Variants in KCND2 observed in about 807,000 individuals in gnomAD.
The protein encoded by KCND2 is A-type voltage-gated potassium channel KCND2.
Under a neutral mutation model 54.4 loss-of-function variants are expected in KCND2, and 16 were observed. The observed-to-expected ratio is 0.29, with a 90% CI of 0.20 to 0.45. KCND2 has a LOEUF of 0.45. Ranked by LOEUF, KCND2 falls within the 20% of genes least tolerant of loss-of-function variation. KCND2 has a pLI of 1.00. For synonymous variants in KCND2, 317 were observed against 310.7 expected (o/e 1.02, Z -0.21); for missense variants, 486 against 824.2 (o/e 0.59, Z 5.02).
At chr7:120,581,074 A>G (rs1412069299) in intron 1 of KCND2, among the ~76,000 whole-genome samples, 5 of 152,252 alleles carry the variant, frequency 3.3e-5, no homozygotes, top group Non-Finnish European at 7.3e-5. Flanking sequence ...TTGAAACTAC[A>G]ACTTCTGAGA....
chr7:120,365,099 A>G (rs554095193), intron 1 of KCND2, among the ~76,000 whole-genome samples: 116 of 151,742 alleles, frequency 7.6e-4, no homozygotes, highest in African/African-American at 2.7e-3. Context: ...GGTAAAGTTC[A>G]TAGTTGTTAT....
chr7:120,589,209 A>G (rs1347376953), intron 1 of KCND2, among the ~76,000 whole-genome samples: 1 of 152,254 alleles, frequency 6.6e-6, no homozygotes. Flanking sequence ...TTATAAGTGA[A>G]TAGTAGAATT....
chr7:120,632,011 C>G (rs187705804), intron 1 of KCND2, among the ~76,000 whole-genome samples: 1 of 152,128 alleles, frequency 6.6e-6, no homozygotes, highest in African/African-American at 2.4e-5. Flanking sequence ...ACTCCCAACC[C>G]GATTTTAGGT....
intron 4 of KCND2, among the ~76,000 whole-genome samples, chr7:120,743,155 T>C (rs989355736): frequency 6.6e-6 from 1 of 152,204 alleles, no homozygotes. Flanking sequence ...TCTGTATTTC[T>C]CCACTTACAA....
At chr7:120,414,256 C>G (rs933461421) in intron 1 of KCND2, among the ~76,000 whole-genome samples, 28 of 151,914 alleles carry the variant, frequency 1.8e-4, no homozygotes, top group African/African-American at 6.8e-4. Flanking sequence ...TTATGATACT[C>G]TATATTTGAA....
At chr7:120,489,368 T>C (rs1218658163) in intron 1 of KCND2, among the ~76,000 whole-genome samples, 1 of 150,868 alleles carries the variant, frequency 6.6e-6, no homozygotes, top group Non-Finnish European at 1.5e-5. Context: ...ATTAATACAT[T>C]TAATAGAAAA....
chr7:120,482,600 G>A (rs1247944419), intron 1 of KCND2, among the ~76,000 whole-genome samples: 1 of 152,080 alleles, frequency 6.6e-6, no homozygotes, highest in Non-Finnish European at 1.5e-5. Context: ...TGTTATCATG[G>A]GAGTGGGCTA....
chr7:120,727,980 A>G (rs1792755624), intron 1 of KCND2, among the ~76,000 whole-genome samples: 1 of 151,696 alleles, frequency 6.6e-6, no homozygotes, highest in Admixed American at 6.6e-5. Flanking sequence ...CTAAAAATAC[A>G]AAAATTAGCT....
chr7:120,647,415 T>C (rs893319498), intron 1 of KCND2, among the ~76,000 whole-genome samples: 1 of 152,232 alleles, frequency 6.6e-6, no homozygotes, highest in African/African-American at 2.4e-5. Context: ...CCTCATGTCA[T>C]TATCTTTATT....
intron 1 of KCND2, among the ~76,000 whole-genome samples, chr7:120,701,445 C>T (rs1247397521): frequency 6.6e-6 from 1 of 151,906 alleles, no homozygotes; most frequent in Non-Finnish European, 1.5e-5. Flanking sequence ...TTAGGATAGC[C>T]AAGTGCTCAT....
intron 1 of KCND2, among the ~76,000 whole-genome samples, chr7:120,642,596 A>G (rs889709880): frequency 3.3e-5 from 5 of 150,658 alleles, no homozygotes; most frequent in Non-Finnish European, 7.4e-5. Context: ...ATATATGTAG[A>G]TATAATTAAG....
At chr7:120,612,683 A>T (rs532145575) in intron 1 of KCND2, among the ~76,000 whole-genome samples, 1 of 152,358 alleles carries the variant, frequency 6.6e-6, no homozygotes, top group African/African-American at 2.4e-5. Flanking sequence ...CGTGCCTTTC[A>T]GTCATGGAGT....
intron 1 of KCND2, among the ~76,000 whole-genome samples, chr7:120,441,484 T>C (rs1801944379): frequency 6.6e-6 from 1 of 152,150 alleles, no homozygotes; most frequent in South Asian, 2.1e-4. Context: ...TTTTTAATGC[T>C]GAGAATGAAT....
At position 120,654,523 on chromosome 7, in the gene KCND2, A is replaced by G. The variant is rs888488647; in HGVS notation, c.1116-78380A>G. ...CCATTTGTGAAGTAACATGTATGAGAATATTTACTGAAGTGATTATAATAG... is the reference window on the plus strand; with the variant it reads ...CCATTTGTGAAGTAACATGTATGAGGATATTTACTGAAGTGATTATAATAG... On this transcript the variant is annotated intron_variant, in intron 1 of 5. Transcript: ENST00000331113. Among the ~76,000 whole-genome samples the G allele has an allele frequency of 6.6e-5, 10 of 152,340 alleles. 1 individual carries two copies. In the East Asian group the frequency reaches 7.7e-4, roughly 12 times the overall value.
chr7:120,408,646 A>G (rs1801398513), intron 1 of KCND2, among the ~76,000 whole-genome samples: 1 of 151,842 alleles, frequency 6.6e-6, no homozygotes, highest in Non-Finnish European at 1.5e-5. Context: ...TTGTTCCCTC[A>G]GGAGTCATTG....
chr7:120,289,920 A>G, intron 1 of KCND2, among the ~76,000 whole-genome samples: 1 of 152,098 alleles, frequency 6.6e-6, no homozygotes, highest in East Asian at 1.9e-4. Flanking sequence ...TTTAATTTTA[A>G]TAAGTAGTTT....
Position 120,716,936 on chromosome 7 carries a change from A to G in KCND2, c.1116-15967A>G, listed in dbSNP as rs1053965904. Reference sequence around the variant, plus strand: ...ACTGAACTCAATATTTTTTTTCTATACATATATATCTATGATAAAGTTTAA... The same window carrying G: ...ACTGAACTCAATATTTTTTTTCTATGCATATATATCTATGATAAAGTTTAA... On this transcript the variant is annotated intron_variant, in intron 1 of 5. Coordinates refer to ENST00000331113, the MANE Select transcript of KCND2 (RefSeq NM_012281.3). Among the ~76,000 whole-genome samples, 9 of 152,182 alleles carry G rather than the reference A, an allele frequency of 5.9e-5. No individual in the cohort carries two copies. In the East Asian group the frequency reaches 1.7e-3, roughly 29 times the overall value.
chr7:120,406,800 C>A (rs896333990), intron 1 of KCND2, among the ~76,000 whole-genome samples: 3 of 151,798 alleles, frequency 2.0e-5, no homozygotes, highest in African/African-American at 7.3e-5. Context: ...GTAAAATGAT[C>A]GTTTTTAAGA....
At chr7:120,518,578 CATTT>C in intron 1 of KCND2, among the ~76,000 whole-genome samples, 1 of 152,174 alleles carries the variant, frequency 6.6e-6, no homozygotes, top group Non-Finnish European at 1.5e-5. Context: ...AGTTTATATT[CATTT>C]ATTTTATAAA....
Sources: gnomAD v4.1 joint callset for allele counts (sites outside exome capture counted in the v4.1 genomes callset) on GRCh38, gnomAD v4.1.1 for gene constraint, MANE v1.5 for transcripts, NCBI Gene and HGNC (gene_info 2026-07-23, HGNC 2026-07-21) for gene names.